SSBP2: variants seen among roughly 807,000 people sequenced by gnomAD.
SSBP2 encodes the protein single-stranded DNA-binding protein 2.
Under a neutral mutation model 61.8 loss-of-function variants are expected in SSBP2, and 17 were observed. That is an observed-to-expected ratio of 0.28 (90% CI 0.19 to 0.41). The LOEUF is 0.41. Among genes scored for constraint, SSBP2 ranks in the 10% least tolerant of loss-of-function variants. SSBP2 has a pLI of 1.00. For missense variants in SSBP2, 310 were observed against 458.7 expected (o/e 0.68, Z 2.96); for synonymous variants, 139 against 141.3 (o/e 0.98, Z 0.12).
intron 5 of SSBP2, among the ~76,000 whole-genome samples, chr5:81,499,247 G>A (rs965012103): frequency 6.6e-6 from 1 of 152,108 alleles, no homozygotes; most frequent in African/African-American, 2.4e-5. Flanking sequence ...TAACTGTAAA[G>A]CAATGACAGA....
At chr5:81,452,180 G>A (rs1014769120) in intron 10 of SSBP2, among the ~76,000 whole-genome samples, 5 of 152,146 alleles carry the variant, frequency 3.3e-5, no homozygotes, top group African/African-American at 4.8e-5. Flanking sequence ...AGGGGGTTGT[G>A]GTAAAGGGTG....
At chr5:81,423,110 G>T (rs997969893) in intron 16 of SSBP2, among the ~76,000 whole-genome samples, 3 of 152,176 alleles carry the variant, frequency 2.0e-5, no homozygotes, top group African/African-American at 7.2e-5. Context: ...GGCAAAATGG[G>T]CACAGATAAA....
intron 3 of SSBP2, among the ~76,000 whole-genome samples, chr5:81,628,804 T>A (rs535661449): frequency 6.6e-6 from 1 of 152,328 alleles, no homozygotes; most frequent in African/African-American, 2.4e-5. Context: ...CTATCCTATA[T>A]TAAAGACAGA....
intron 14 of SSBP2, among the ~76,000 whole-genome samples, chr5:81,439,390 T>G (rs1580686335): frequency 1.3e-5 from 2 of 152,296 alleles, no homozygotes; most frequent in South Asian, 4.1e-4. Context: ...TGGTATGACC[T>G]AGTCCATTTT....
chr5:81,570,490 T>C (rs889273096), intron 4 of SSBP2, among the ~76,000 whole-genome samples: 2 of 152,154 alleles, frequency 1.3e-5, no homozygotes, highest in African/African-American at 4.8e-5. Flanking sequence ...CAAGATCACA[T>C]TACACCTGAA....
At position 81,601,642 on chromosome 5, in the gene SSBP2, T is replaced by C. The variant is rs141088668; in HGVS notation, c.282+13831A>G. The stretch of plus-strand genomic sequence containing the variant: ...TCAAAGTAAAAAGTTTAATAAAACA[T>C]GTCAATCCGGCAGAATTTGCTCTGT... On this transcript the variant is annotated intron_variant, in intron 4 of 16. Coordinates refer to ENST00000320672, the MANE Select transcript of SSBP2 (RefSeq NM_012446.5). 6.6e-5 allele frequency among the ~76,000 whole-genome samples: 10 copies of C among 152,276 alleles called. No homozygotes were observed. In the East Asian group the frequency reaches 1.7e-3, roughly 26 times the overall value.
chr5:81,678,298 T>C (rs1042823777), intron 1 of SSBP2, among the ~76,000 whole-genome samples: 6 of 152,184 alleles, frequency 3.9e-5, no homozygotes, highest in Admixed American at 1.3e-4. Context: ...ATTAGTAGAC[T>C]AGATGTGGCT....
chr5:81,571,442 C>T (rs577934832), intron 4 of SSBP2, among the ~76,000 whole-genome samples: 1 of 152,074 alleles, frequency 6.6e-6, no homozygotes, highest in South Asian at 2.1e-4. Context: ...GAAATCAAAA[C>T]AAACAGAAAC....
chr5:81,613,934 G>A (rs1745718422), intron 4 of SSBP2, among the ~76,000 whole-genome samples: 1 of 152,046 alleles, frequency 6.6e-6, no homozygotes, highest in African/African-American at 2.4e-5. Flanking sequence ...CTTTTTATTT[G>A]CAGTAGCATC....
intron 10 of SSBP2, among the ~76,000 whole-genome samples, chr5:81,449,228 C>T (rs917472256): frequency 9.2e-5 from 14 of 152,068 alleles, no homozygotes; most frequent in Admixed American, 7.9e-4. Flanking sequence ...TTTGTTAATA[C>T]GAGTCTCCAA....
intron 9 of SSBP2, among the ~76,000 whole-genome samples, chr5:81,463,423 G>C (rs955469471): frequency 2.0e-5 from 3 of 152,190 alleles, no homozygotes; most frequent in African/African-American, 7.2e-5. Flanking sequence ...AGAGAGGCTG[G>C]ACATGATAGT....
At chr5:81,724,665 T>C (rs949362514) in intron 1 of SSBP2, among the ~76,000 whole-genome samples, 1 of 151,944 alleles carries the variant, frequency 6.6e-6, no homozygotes, top group African/African-American at 2.4e-5. Context: ...GACCCAAATA[T>C]AAAATATAAA....
chr5:81,700,389 C>G (rs1414059077), intron 1 of SSBP2, among the ~76,000 whole-genome samples: 2 of 152,188 alleles, frequency 1.3e-5, no homozygotes, highest in Admixed American at 1.3e-4. Context: ...AATAGATGTA[C>G]TGTCTTCCAG....
chr5:81,747,341 C>A (rs1757421674), intron 1 of SSBP2, among the ~76,000 whole-genome samples: 1 of 151,954 alleles, frequency 6.6e-6, no homozygotes, highest in Non-Finnish European at 1.5e-5. Flanking sequence ...TGTTTTCTAG[C>A]ATTGTATCCC....
rs570895115 is a variant in SSBP2 at position 81,515,331 on chromosome 5, T to C, written c.283-1614A>G. 2.6e-5 allele frequency among the ~76,000 whole-genome samples: 4 copies of C among 152,070 alleles called. No individual in the cohort carries two copies. In the South Asian group the frequency reaches 8.3e-4, roughly 32 times the overall value. On this transcript the variant is annotated intron_variant, in intron 4 of 16. Transcript: ENST00000320672. ...AAAAGCTAGACATAGCCTATCACTA[T>C]TGTTCTAATTAACTGCAGAATAGAA...
intron 1 of SSBP2, among the ~76,000 whole-genome samples, chr5:81,748,170 T>A (rs982431976): frequency 6.6e-5 from 10 of 152,330 alleles, no homozygotes; most frequent in Non-Finnish European, 8.8e-5. Flanking sequence ...ATAAAACCAA[T>A]GTGCTTATTT....
At chr5:81,723,437 T>C (rs983012315) in intron 1 of SSBP2, among the ~76,000 whole-genome samples, 30 of 151,934 alleles carry the variant, frequency 2.0e-4, no homozygotes, top group African/African-American at 7.2e-4. Context: ...AAGAATAGTT[T>C]TATTCTATCT....
At chr5:81,637,169 C>T (rs1748317310) in intron 2 of SSBP2, among the ~76,000 whole-genome samples, 1 of 152,232 alleles carries the variant, frequency 6.6e-6, no homozygotes, top group African/African-American at 2.4e-5. Flanking sequence ...AGTATCAGCA[C>T]AGCTGGGCAA....
Position 81,461,036 on chromosome 5 carries a change from A to AATAT in SSBP2, c.687+15_687+18dup, listed in dbSNP as rs111987789. ...TTACAAAATGCAAAATATTAAAAAA[A>AATAT]ATATATATATATACTCACTGAATTG... On this transcript the variant is annotated intron_variant, in intron 10 of 16. Transcript: ENST00000320672. The AATAT allele has an allele frequency of 1.5e-6, 2 of 1,293,794 alleles. No individual in the cohort carries two copies. The highest frequency in any genetic ancestry group is 2.0e-6 in the Non-Finnish European group (2 of 997,480). 80.1% of individuals were successfully genotyped at this position (1,293,794 alleles called of 1,614,324 possible). A position where few individuals can be genotyped will look rare whatever the true frequency, so the allele number is the denominator to read the frequency against.
Sources: gnomAD v4.1 joint callset for allele counts (sites outside exome capture counted in the v4.1 genomes callset) on GRCh38, gnomAD v4.1.1 for gene constraint, MANE v1.5 for transcripts, NCBI Gene and HGNC (gene_info 2026-07-23, HGNC 2026-07-21) for gene names.